Variants in PRMT8 observed in about 807,000 individuals in gnomAD.
PRMT8 encodes the protein protein arginine methyltransferase 8, also known as protein arginine N-methyltransferase 8.
PRMT8 carries 7 observed loss-of-function variants against 47.1 expected under a neutral mutation model. The ratio of observed to expected loss-of-function variants is 0.15; its 90% CI spans 0.08 to 0.28. PRMT8 has a LOEUF of 0.28. Ranked by LOEUF, PRMT8 falls within the 10% of genes least tolerant of loss-of-function variation. The probability of loss-of-function intolerance (pLI) is 1.00; values close to 1 mark genes in which losing one functional copy is unlikely to be tolerated. For missense variants in PRMT8, 237 were observed against 505.4 expected (o/e 0.47, Z 5.09); for synonymous variants, 188 against 186.5 (o/e 1.01, Z -0.07).
At chr12:3,547,659 A>G (rs11062716) in intron 2 of PRMT8, among the ~76,000 whole-genome samples, 19,779 of 152,198 alleles carry the variant, frequency 0.13, 1,405 homozygotes, top group Middle Eastern at 0.16. Context: ...CAGCCTCAAA[A>G]TAAATAAAAA....
rs968113077 is a variant in PRMT8 at position 3,569,244 on chromosome 12, A to T, written c.625-233A>T. Among the ~76,000 whole-genome samples, 6 of 152,036 alleles carry T rather than the reference A, an allele frequency of 3.9e-5. No homozygotes were observed. Among genetic ancestry groups the T allele is most frequent in the African/African-American group, 1.4e-4 (6 of 41,396 alleles). ...ACTGCTCCTCACTGGATTTACCTTC[A>T]CCTCACCTCATTTGTCCTATTGACT... is the stretch of plus-strand genomic sequence containing the variant. On this transcript the variant is annotated intron_variant, in intron 5 of 9. Transcript: ENST00000382622. This position sits in a 1 kb window ranked among gnomAD's most constrained non-coding sequence, Gnocchi z 8.2.
intron 1 of PRMT8, among the ~76,000 whole-genome samples, chr12:3,521,790 G>A (rs138209244): frequency 6.6e-6 from 1 of 152,310 alleles, no homozygotes; most frequent in African/African-American, 2.4e-5. Flanking sequence ...TGCTGGTAAT[G>A]GTAGGCCACC....
At chr12:3,512,688 A>T (rs1228225357) in intron 1 of PRMT8, among the ~76,000 whole-genome samples, 1 of 151,688 alleles carries the variant, frequency 6.6e-6, no homozygotes, top group South Asian at 2.1e-4. Context: ...GCACTCATTA[A>T]CTCTTCTTCC....
intron 1 of PRMT8, among the ~76,000 whole-genome samples, chr12:3,451,725 C>T (rs1347348659): frequency 1.3e-5 from 2 of 152,170 alleles, no homozygotes; most frequent in African/African-American, 2.4e-5. Flanking sequence ...TTGATGATGA[C>T]GTGAGGACTC....
chr12:3,393,236 T>G (rs1211538407), intron 1 of PRMT8, among the ~76,000 whole-genome samples: 7 of 152,222 alleles, frequency 4.6e-5, no homozygotes, highest in Non-Finnish European at 7.3e-5. Context: ...CGTTTGTCAA[T>G]TTTGGCTTTT....
chr12:3,389,572 AAC>A (rs1204698321), intron 1 of PRMT8, among the ~76,000 whole-genome samples: 1 of 152,236 alleles, frequency 6.6e-6, no homozygotes, highest in Non-Finnish European at 1.5e-5. Flanking sequence ...AGCAAAAAGA[AAC>A]ACAGTGTCAG....
intron 1 of PRMT8, among the ~76,000 whole-genome samples, chr12:3,389,219 C>A (rs1591535754): frequency 6.6e-6 from 1 of 152,092 alleles, no homozygotes; most frequent in Non-Finnish European, 1.5e-5. Flanking sequence ...AAGAGCTCAC[C>A]TAGCCCAACT....
At position 3,436,417 on chromosome 12, in the gene PRMT8, C is replaced by T. The variant is rs945022270; in HGVS notation, c.48+54975C>T. Among the ~76,000 whole-genome samples, 1 of 152,148 alleles carries T rather than the reference C, an allele frequency of 6.6e-6. No individual in the cohort carries two copies. The highest frequency in any genetic ancestry group is 1.5e-5 in the Non-Finnish European group (1 of 68,020). The stretch of plus-strand genomic sequence containing the variant: ...CCAGCAGCCCCAGGTAAGCCAGGGG[C>T]TGAGCTACTGTGATAAAATTCTGGT... On this transcript the variant is annotated intron_variant, in intron 1 of 9. Coordinates refer to the PRMT8 transcript ENST00000452611. This position sits in a 1 kb window ranked among gnomAD's most constrained non-coding sequence, Gnocchi z 4.2.
intron 1 of PRMT8, among the ~76,000 whole-genome samples, chr12:3,484,125 C>T (rs146209045): frequency 6.6e-6 from 1 of 152,310 alleles, no homozygotes; most frequent in African/African-American, 2.4e-5. Context: ...TGATGGCAGG[C>T]TGACTTCCCT....
At chr12:3,390,922 C>T (rs1396507662) in intron 1 of PRMT8, among the ~76,000 whole-genome samples, 4 of 152,196 alleles carry the variant, frequency 2.6e-5, no homozygotes, top group African/African-American at 9.7e-5. Context: ...GAGCGAATAG[C>T]TCTGGATCAG....
Position 3,460,362 on chromosome 12 carries a change from T to C in PRMT8, c.48+78920T>C, listed in dbSNP as rs1278608780. Among the ~76,000 whole-genome samples the C allele has an allele frequency of 5.3e-5, 8 of 152,374 alleles. No homozygotes were observed. The East Asian group carries it at 1.5e-3, about 29-fold the overall frequency. ...CGTCCCTGTCATTCCTAGGAAATTC[T>C]GTGAGATCATGGACATCACCGGCTT... On this transcript the variant is annotated intron_variant, in intron 1 of 9. Coordinates refer to the PRMT8 transcript ENST00000452611.
chr12:3,435,646 T>C (rs1053119126), intron 1 of PRMT8, among the ~76,000 whole-genome samples: 2 of 151,300 alleles, frequency 1.3e-5, no homozygotes, highest in African/African-American at 2.4e-5. Flanking sequence ...CTCAGCCTCC[T>C]GAGTAGCTGG....
chr12:3,550,134 C>T lies in PRMT8; in HGVS notation c.417+43C>T. On this transcript the variant is annotated intron_variant, in intron 3 of 9. Coordinates refer to ENST00000382622, the MANE Select transcript of PRMT8 (RefSeq NM_019854.5). This position sits in a 1 kb window ranked among gnomAD's most constrained non-coding sequence, Gnocchi z 5.1. The stretch of plus-strand genomic sequence containing the variant: ...TCCTGCATGCTGGCTTCCACAGAGC[C>T]AGCCTCTTGCCCTCTGCCTCCACCC... 1.2e-6 allele frequency: 2 copies of T among 1,605,856 alleles called. No individual in the cohort carries two copies. Among genetic ancestry groups the T allele is most frequent in the South Asian group, 1.1e-5 (1 of 90,650 alleles).
chr12:3,577,475 C>G (rs1196822821), intron 7 of PRMT8, among the ~76,000 whole-genome samples: 1 of 152,100 alleles, frequency 6.6e-6, no homozygotes, highest in Non-Finnish European at 1.5e-5. Flanking sequence ...CCTGTTCATG[C>G]TCTCGCCTCC....
rs74967234 is a variant in PRMT8, at chr12:3,493,535, C to G, written c.75+1835C>G. Among the ~76,000 whole-genome samples, 16,214 of 152,148 alleles carry G rather than the reference C, an allele frequency of 0.11. 1,104 individuals carry two copies. The highest frequency in any genetic ancestry group is 0.24 in the East Asian group (1,218 of 5,146). ...AAGTTTTTGCGGTTCCCTTTGCCTC[C>G]TACCCCCGCTGCCGCGCGGGGTCTG... On this transcript the variant is annotated intron_variant, in intron 1 of 9. Coordinates refer to ENST00000382622, the MANE Select transcript of PRMT8 (RefSeq NM_019854.5). This position sits in a 1 kb window ranked among gnomAD's most constrained non-coding sequence, Gnocchi z 8.2.
intron 1 of PRMT8, among the ~76,000 whole-genome samples, chr12:3,461,680 G>C (rs1169158728): frequency 6.7e-6 from 1 of 150,256 alleles, no homozygotes; most frequent in African/African-American, 2.5e-5. Flanking sequence ...CTCAAGAGGA[G>C]TCCAAGCTTC....
intron 2 of PRMT8, among the ~76,000 whole-genome samples, chr12:3,549,209 A>G (rs906894890): frequency 6.6e-6 from 1 of 152,198 alleles, no homozygotes; most frequent in African/African-American, 2.4e-5. Flanking sequence ...ACAGGTATAC[A>G]TTTGTCAAAG....
chr12:3,477,093 G>A (rs1373344442), intron 1 of PRMT8, among the ~76,000 whole-genome samples: 3 of 152,178 alleles, frequency 2.0e-5, no homozygotes, highest in African/African-American at 7.2e-5. Flanking sequence ...GGGGTGATGA[G>A]AACTGGGGGG....
chr12:3,491,185 A>G, upstream of PRMT8: 6 of 990,910 alleles, frequency 6.1e-6, no homozygotes, highest in Non-Finnish European at 7.2e-6. Context: ...CCTAGGAGAG[A>G]CGCGCAGGAA....
Sources: gnomAD v4.1 joint callset for allele counts (sites outside exome capture counted in the v4.1 genomes callset) on GRCh38, gnomAD v4.1.1 for gene constraint, Gnocchi (gnomAD v3.1) non-coding constraint, MANE v1.5 for transcripts, NCBI Gene and HGNC (gene_info 2026-07-23, HGNC 2026-07-21) for gene names.